Variants in NHSL2 observed in about 807,000 individuals in gnomAD.
The protein encoded by NHSL2 is NHS like 2, also known as NHS-like protein 2.
A neutral mutation model predicts 53.4 loss-of-function variants in NHSL2; 27 were observed. The observed-to-expected ratio is 0.51, with a 90% CI of 0.37 to 0.70. The LOEUF (loss-of-function observed/expected upper bound fraction) is 0.70. Among genes scored for constraint, NHSL2 ranks in the 30% least tolerant of loss-of-function variants. The pLI, the probability that NHSL2 is intolerant of heterozygous loss-of-function variation, is 0.00. For missense variants in NHSL2, 892 were observed against 980.1 expected (o/e 0.91, Z 1.20); for synonymous variants, 408 against 404.1 (o/e 1.01, Z -0.12).
intron 1 of NHSL2, among the ~76,000 whole-genome samples, chrX:72,087,829 G>A (rs780742276): frequency 4.7e-4 from 52 of 111,443 alleles, no homozygotes; most frequent in African/African-American, 1.3e-3. Flanking sequence ...CCAAGATCGC[G>A]CCATTGAACT....
At position 72,106,601 on chromosome X, in the gene NHSL2, C is replaced by A. The variant is rs1252499875; in HGVS notation, c.281-25478C>A. On this transcript the variant is annotated intron_variant, in intron 1 of 7. Coordinates refer to ENST00000633930, the MANE Select transcript of NHSL2 (RefSeq NM_001013627.3). Reference sequence around the variant, plus strand: ...AACTAGAAATACCATTTGACCCAGCCATCCCATTACTGGGTATATACCCAG... The same window carrying A: ...AACTAGAAATACCATTTGACCCAGCAATCCCATTACTGGGTATATACCCAG... 5.4e-5 allele frequency among the ~76,000 whole-genome samples: 6 copies of A among 111,467 alleles called. No homozygotes were observed. The East Asian group carries it at 1.7e-3, about 31-fold the overall frequency.
At chrX:71,932,184 T>C (rs2041716908) in intron 1 of NHSL2, among the ~76,000 whole-genome samples, 1 of 111,290 alleles carries the variant, frequency 9.0e-6, no homozygotes, top group African/African-American at 3.3e-5. Flanking sequence ...AAATCCTTCC[T>C]GGAGAAATCA....
intron 1 of NHSL2, among the ~76,000 whole-genome samples, chrX:71,976,713 G>A (rs935323386): frequency 5.3e-5 from 6 of 112,197 alleles, no homozygotes; most frequent in African/African-American, 1.6e-4. Flanking sequence ...AAGGCCTCCC[G>A]ACCTGGAAGT....
chrX:71,971,932 C>T (rs2041926554), intron 1 of NHSL2, among the ~76,000 whole-genome samples: 1 of 111,734 alleles, frequency 8.9e-6, no homozygotes, highest in Admixed American at 9.5e-5. Context: ...AAAAAAATTG[C>T]TATCTAATGT....
intron 1 of NHSL2, among the ~76,000 whole-genome samples, chrX:71,960,080 A>G (rs1233182282): frequency 8.9e-6 from 1 of 112,389 alleles, no homozygotes; most frequent in Non-Finnish European, 1.9e-5. Flanking sequence ...GTGGTATCTC[A>G]TTATACTTTT....
At chrX:71,933,824 G>C (rs977341389) in intron 1 of NHSL2, among the ~76,000 whole-genome samples, 14 of 111,313 alleles carry the variant, frequency 1.3e-4, no homozygotes, top group African/African-American at 4.3e-4. Flanking sequence ...GGCCAGCTTG[G>C]TTCACCATTC....
intron 1 of NHSL2, among the ~76,000 whole-genome samples, chrX:71,957,185 T>C (rs2041846375): frequency 8.9e-6 from 1 of 112,218 alleles, no homozygotes; most frequent in Non-Finnish European, 1.9e-5. Flanking sequence ...GAGGGACCTC[T>C]ACCTGGCACT....
chrX:72,119,832 A>C (rs1243133690), intron 1 of NHSL2, among the ~76,000 whole-genome samples: 1 of 112,107 alleles, frequency 8.9e-6, no homozygotes, highest in African/African-American at 3.2e-5. Flanking sequence ...TCCTGATCTT[A>C]GGGGAAAAGC....
intron 1 of NHSL2, among the ~76,000 whole-genome samples, chrX:72,089,662 A>G (rs2041880044): frequency 9.0e-6 from 1 of 110,841 alleles, no homozygotes. Context: ...GTGAGATGCA[A>G]CCACAGCAAC....
intron 1 of NHSL2, among the ~76,000 whole-genome samples, chrX:72,105,992 G>A (rs1270067908): frequency 9.0e-6 from 1 of 111,189 alleles, no homozygotes; most frequent in African/African-American, 3.3e-5. Flanking sequence ...GGCAGATCAT[G>A]AGGTCAGGAG....
At chrX:72,133,352 C>T (rs957239276) in intron 2 of NHSL2, among the ~76,000 whole-genome samples, 3 of 111,960 alleles carry the variant, frequency 2.7e-5, no homozygotes, top group African/African-American at 9.8e-5. Context: ...CAAGAGCAAC[C>T]CCAAATCTCT....
At chrX:71,998,180 T>C (rs1384050573) in intron 1 of NHSL2, among the ~76,000 whole-genome samples, 1 of 112,459 alleles carries the variant, frequency 8.9e-6, no homozygotes, top group African/African-American at 3.2e-5. Flanking sequence ...GGCCAGGCCC[T>C]GAGCTGAGAG....
chrX:72,011,678 A>C (rs1276145806), intron 1 of NHSL2, among the ~76,000 whole-genome samples: 2 of 111,618 alleles, frequency 1.8e-5, no homozygotes, highest in Admixed American at 9.4e-5. Context: ...TCAAAAAAAA[A>C]ACAAAACTGG....
chrX:72,004,301 C>T (rs1021459399), intron 1 of NHSL2, among the ~76,000 whole-genome samples: 5 of 112,306 alleles, frequency 4.5e-5, no homozygotes, highest in Non-Finnish European at 9.4e-5. Flanking sequence ...ATTTAGCAGC[C>T]GTCCTGTGAG....
chrX:71,922,132 A>T (rs933103246), intron 1 of NHSL2, among the ~76,000 whole-genome samples: 1 of 112,539 alleles, frequency 8.9e-6, no homozygotes, highest in African/African-American at 3.2e-5. Flanking sequence ...CAACAAATGC[A>T]ATGCAGAAGA....
chrX:72,001,273 G>T (rs2042071647), intron 1 of NHSL2, among the ~76,000 whole-genome samples: 2 of 111,823 alleles, frequency 1.8e-5, no homozygotes, highest in African/African-American at 6.5e-5. Context: ...GTGCTTATAT[G>T]GTGCCAGAGC....
At chrX:72,132,444 T>C (rs1025226344) in intron 2 of NHSL2, among the ~76,000 whole-genome samples, 2 of 111,223 alleles carry the variant, frequency 1.8e-5, no homozygotes, top group Admixed American at 9.4e-5. Flanking sequence ...CCCCAGCCCC[T>C]TTTTTCAGCT....
intron 1 of NHSL2, among the ~76,000 whole-genome samples, chrX:72,099,870 C>G (rs1236801537): frequency 8.9e-6 from 1 of 111,882 alleles, no homozygotes; most frequent in Non-Finnish European, 1.9e-5. Context: ...TTTACACATC[C>G]AGCACATTTC....
chrX:71,996,309 A>G (rs1213050889), intron 1 of NHSL2, among the ~76,000 whole-genome samples: 2 of 112,324 alleles, frequency 1.8e-5, no homozygotes, highest in African/African-American at 3.2e-5. Flanking sequence ...TAAACATACC[A>G]TGTCACAGCT....
Sources: allele counts gnomAD v4.1 joint callset (sites outside exome capture counted in the v4.1 genomes callset), GRCh38; gene constraint gnomAD v4.1.1; transcripts MANE v1.5; gene names NCBI Gene and HGNC (gene_info 2026-07-23, HGNC 2026-07-21).